CXCL13: variants seen among roughly 807,000 people sequenced by gnomAD.
The protein encoded by CXCL13 is C-X-C motif chemokine ligand 13.
A neutral mutation model predicts 12.2 loss-of-function variants in CXCL13; 7 were observed. That is an observed-to-expected ratio of 0.57 (90% CI 0.33 to 1.07). The LOEUF (loss-of-function observed/expected upper bound fraction) is 1.07, where lower values mean the gene tolerates loss of function less well. Ranked by LOEUF, CXCL13 falls within the 50% of genes least tolerant of loss-of-function variation. The pLI is 0.04. For synonymous variants in CXCL13, 47 were observed against 42.4 expected, an observed-to-expected ratio of 1.11 and a Z score of -0.42; for missense variants, 113 against 127.4, an observed-to-expected ratio of 0.89 and a Z score of 0.55.
intron 1 of CXCL13, among the ~76,000 whole-genome samples, chr4:77,596,372 G>T (rs1450992513): frequency 6.6e-6 from 1 of 152,174 alleles, no homozygotes; most frequent in Non-Finnish European, 1.5e-5. Context: ...ACTGTTGGTG[G>T]GAGTGTAAAT....
chr4:77,541,213 CT>C (rs1334970593), intron 1 of CXCL13, among the ~76,000 whole-genome samples: 1 of 152,072 alleles, frequency 6.6e-6, no homozygotes, highest in Non-Finnish European at 1.5e-5. Flanking sequence ...TGTCTGTTTA[CT>C]CTGTTGTTAG....
rs543109030 is a variant in CXCL13, at chr4:77,606,452, G to A, written c.64+523G>A. 3.9e-5 allele frequency among the ~76,000 whole-genome samples: 6 copies of A among 152,342 alleles called. No individual in the cohort carries two copies. In the South Asian group the frequency reaches 1.2e-3, roughly 32 times the overall value. On this transcript the variant is annotated intron_variant, in intron 1 of 3. Coordinates refer to ENST00000682537, the MANE Select transcript of CXCL13 (RefSeq NM_001371558.1). ...ATGTCTAAGTGGGGCAGCTATCTTT[G>A]TGTCAATAGATAAATATCCAGTTGA...
intron 1 of CXCL13, among the ~76,000 whole-genome samples, chr4:77,567,307 T>A (rs1725962924): frequency 6.6e-6 from 1 of 152,186 alleles, no homozygotes; most frequent in Non-Finnish European, 1.5e-5. Flanking sequence ...ACCCAGGTGA[T>A]TAAAAAGTTT....
chr4:77,598,320 CAG>C (rs1374337706), intron 1 of CXCL13, among the ~76,000 whole-genome samples: 1 of 152,186 alleles, frequency 6.6e-6, no homozygotes, highest in East Asian at 1.9e-4. Context: ...ATAGAGTTAA[CAG>C]AGAGCAGTGG....
At chr4:77,569,293 G>A (rs7699374) in intron 1 of CXCL13, among the ~76,000 whole-genome samples, 12 of 152,010 alleles carry the variant, frequency 7.9e-5, no homozygotes, top group South Asian at 2.1e-4. Flanking sequence ...AGAAATAAAG[G>A]GCATCCAAAT....
chr4:77,561,444 T>G (rs550614578), intron 1 of CXCL13, among the ~76,000 whole-genome samples: 5 of 152,258 alleles, frequency 3.3e-5, no homozygotes, highest in Non-Finnish European at 5.9e-5. Flanking sequence ...CTTCATACAG[T>G]TCTAATTATC....
chr4:77,542,589 A>T (rs1005827029), intron 1 of CXCL13, among the ~76,000 whole-genome samples: 5 of 152,070 alleles, frequency 3.3e-5, no homozygotes, highest in Admixed American at 2.6e-4. Flanking sequence ...ATTCTACAAG[A>T]GATTTGGGTG....
intron 1 of CXCL13, among the ~76,000 whole-genome samples, chr4:77,539,889 A>C (rs1027918712): frequency 2.0e-5 from 3 of 152,166 alleles, no homozygotes; most frequent in Admixed American, 6.5e-5. Context: ...TATCCTGCTC[A>C]GCTCCTATCT....
chr4:77,534,111 G>A lies in CXCL13; in HGVS notation c.-43+22323G>A, dbSNP rs148224519. Among the ~76,000 whole-genome samples the A allele has an allele frequency of 7.5e-3, 1,136 of 152,254 alleles. 10 individuals carry two copies. The highest frequency in any genetic ancestry group is 0.024 in the African/African-American group (1,009 of 41,546). ...TCAGTTGGAAATGCAGAAATCACCC[G>A]TCTTCTGCGTTGCTCATGCTGGGAG... On this transcript the variant is annotated intron_variant, in intron 1 of 4. Transcript: ENST00000286758.
At chr4:77,513,859 G>C (rs1302519233) in intron 1 of CXCL13, among the ~76,000 whole-genome samples, 2 of 150,174 alleles carry the variant, frequency 1.3e-5, no homozygotes, top group Admixed American at 6.6e-5. Flanking sequence ...CAATGTGCAG[G>C]TTAGTTACAT....
At chr4:77,584,295 T>G (rs1726402169) in intron 1 of CXCL13, among the ~76,000 whole-genome samples, 1 of 152,214 alleles carries the variant, frequency 6.6e-6, no homozygotes, top group South Asian at 2.1e-4. Flanking sequence ...CTGTTCTTAT[T>G]GCCTTGGTCT....
intron 1 of CXCL13, among the ~76,000 whole-genome samples, chr4:77,518,276 G>A (rs1724479443): frequency 6.6e-6 from 1 of 152,102 alleles, no homozygotes; most frequent in Admixed American, 6.5e-5. Flanking sequence ...CTGTGTCTTG[G>A]AGTTGCTGTT....
At chr4:77,605,396 G>A (rs549739270), upstream of CXCL13, among the ~76,000 whole-genome samples, 4 of 152,230 alleles carry the variant, frequency 2.6e-5, no homozygotes, top group South Asian at 4.2e-4. Context: ...ACCAAAGGCC[G>A]GAATCCCTTC....
chr4:77,531,121 TA>T (rs1484234546), intron 1 of CXCL13, among the ~76,000 whole-genome samples: 15 of 148,380 alleles, frequency 1.0e-4, no homozygotes, highest in Middle Eastern at 3.6e-3. Context: ...TTATTATTAT[TA>T]TTATTATTAT....
chr4:77,594,808 G>T (rs929686672), intron 1 of CXCL13, among the ~76,000 whole-genome samples: 1 of 152,148 alleles, frequency 6.6e-6, no homozygotes, highest in African/African-American at 2.4e-5. Context: ...TGCATGTGAG[G>T]CTTAATACCT....
intron 1 of CXCL13, among the ~76,000 whole-genome samples, chr4:77,514,138 T>A (rs1724347341): frequency 6.6e-6 from 1 of 151,968 alleles, no homozygotes; most frequent in Non-Finnish European, 1.5e-5. Flanking sequence ...CATGAACTCA[T>A]CATTTTTTAT....
At chr4:77,604,887 C>T (rs1484426124), upstream of CXCL13, among the ~76,000 whole-genome samples, 4 of 152,130 alleles carry the variant, frequency 2.6e-5, no homozygotes, top group Non-Finnish European at 5.9e-5. Context: ...CATCCTTGTC[C>T]ACTTCCAGGG....
chr4:77,585,057 A>G (rs1376056842), intron 1 of CXCL13, among the ~76,000 whole-genome samples: 1 of 152,128 alleles, frequency 6.6e-6, no homozygotes, highest in Non-Finnish European at 1.5e-5. Context: ...GCTCATGACT[A>G]CTTGCAAGCT....
chr4:77,531,745 A>G lies in CXCL13; in HGVS notation c.-43+19957A>G, dbSNP rs565364567. Among the ~76,000 whole-genome samples, 13 of 152,226 alleles carry G rather than the reference A, an allele frequency of 8.5e-5. No individual in the cohort carries two copies. The East Asian group carries it at 2.5e-3, about 29-fold the overall frequency. On this transcript the variant is annotated intron_variant, in intron 1 of 4. Transcript: ENST00000286758. ...CTGGGTGCTCCTGTATTGGGTGAAT[A>G]TATATTTAGGATAGTTAGCTCTTCT...
Sources: allele counts gnomAD v4.1 joint callset (sites outside exome capture counted in the v4.1 genomes callset), GRCh38; gene constraint gnomAD v4.1.1; transcripts MANE v1.5; gene names NCBI Gene and HGNC (gene_info 2026-07-23, HGNC 2026-07-21).